ANO4: variants seen among roughly 807,000 people sequenced by gnomAD.
The protein encoded by ANO4 is anoctamin 4.
A neutral mutation model predicts 141.9 loss-of-function variants in ANO4; 69 were observed. The observed-to-expected ratio is 0.49, with a 90% CI of 0.40 to 0.59. The LOEUF is 0.59. Ranked by LOEUF, ANO4 falls within the 20% of genes least tolerant of loss-of-function variation. The pLI, the probability that ANO4 is intolerant of heterozygous loss-of-function variation, is 0.00. For missense variants in ANO4, 894 were observed against 1,162.2 expected, an observed-to-expected ratio of 0.77 and a Z score of 3.36; for synonymous variants, 350 against 394.3, an observed-to-expected ratio of 0.89 and a Z score of 1.33.
At chr12:101,086,579 C>A in intron 16 of ANO4, 81 bp from the exon 17 acceptor site, 1 of 1,519,010 alleles carries the variant, frequency 6.6e-7, no homozygotes, top group Non-Finnish European at 9.1e-7. Context: ...CTTTTCCCAT[C>A]AGAGGATGTT....
At chr12:100,720,312 G>GT (rs2030806287) in intron 1 of ANO4, among the ~76,000 whole-genome samples, 2 of 152,024 alleles carry the variant, frequency 1.3e-5, no homozygotes, top group Admixed American at 6.6e-5. Context: ...TTCATATAGG[G>GT]AAGCCCTCTC....
At chr12:100,995,786 G>A (rs17406536) in intron 8 of ANO4, among the ~76,000 whole-genome samples, 30,518 of 152,086 alleles carry the variant, frequency 0.2, 3,317 homozygotes, top group Non-Finnish European at 0.24. Context: ...CTACTAGACC[G>A]TGAGCTACCT....
chr12:101,086,061 T>A (rs949960424), intron 16 of ANO4, among the ~76,000 whole-genome samples: 2 of 149,212 alleles, frequency 1.3e-5, no homozygotes, highest in Non-Finnish European at 3.0e-5. Flanking sequence ...TGAGGAAGGA[T>A]GAGTAGGTGT....
intron 3 of ANO4, among the ~76,000 whole-genome samples, chr12:100,747,200 G>A (rs953098186): frequency 6.6e-6 from 1 of 152,170 alleles, no homozygotes; most frequent in Non-Finnish European, 1.5e-5. Flanking sequence ...TCTGCTTAGT[G>A]GCAGAAGTCT....
At chr12:100,883,599 C>T (rs1200244849) in intron 1 of ANO4, among the ~76,000 whole-genome samples, 1 of 152,088 alleles carries the variant, frequency 6.6e-6, no homozygotes, top group East Asian at 1.9e-4. Flanking sequence ...TTTTTTCCTT[C>T]CCTCCTCATT....
intron 3 of ANO4, among the ~76,000 whole-genome samples, chr12:100,780,443 A>G (rs1209835898): frequency 6.6e-6 from 1 of 152,158 alleles, no homozygotes; most frequent in East Asian, 1.9e-4. Context: ...ACTTTTAATC[A>G]TATGCTAATT....
chr12:100,749,070 A>G (rs1222673814), intron 3 of ANO4, among the ~76,000 whole-genome samples: 2 of 152,122 alleles, frequency 1.3e-5, no homozygotes, highest in East Asian at 3.9e-4. Flanking sequence ...AGGGAAGGCA[A>G]ATTTGAGTTG....
chr12:100,826,635 G>A (rs1297402554), intron 1 of ANO4, among the ~76,000 whole-genome samples: 1 of 151,956 alleles, frequency 6.6e-6, no homozygotes, highest in Non-Finnish European at 1.5e-5. Context: ...ATCTTACACT[G>A]TGCTTGAATT....
intron 1 of ANO4, among the ~76,000 whole-genome samples, chr12:100,864,824 C>T (rs2038670423): frequency 6.6e-6 from 1 of 152,134 alleles, no homozygotes; most frequent in African/African-American, 2.4e-5. Flanking sequence ...TCTCCTAATG[C>T]TATCCCTCCC....
At chr12:100,989,574 G>A (rs559325022) in intron 8 of ANO4, among the ~76,000 whole-genome samples, 16 of 150,042 alleles carry the variant, frequency 1.1e-4, no homozygotes, top group African/African-American at 3.7e-4. Flanking sequence ...TGGATGGATG[G>A]ATGGATGGAT....
chr12:100,763,241 CA>C (rs1369098112), intron 3 of ANO4, among the ~76,000 whole-genome samples: 2 of 152,264 alleles, frequency 1.3e-5, no homozygotes, highest in African/African-American at 4.8e-5. Context: ...CATATGGCCA[CA>C]AGGGTCTGTA....
chr12:100,996,110 C>T (rs1046806798), intron 8 of ANO4, among the ~76,000 whole-genome samples: 2 of 152,152 alleles, frequency 1.3e-5, no homozygotes, highest in Non-Finnish European at 2.9e-5. Context: ...AAACATTTTA[C>T]GGCCATTAAA....
chr12:101,091,799 T>G (rs2049788410), intron 17 of ANO4, among the ~76,000 whole-genome samples: 1 of 152,058 alleles, frequency 6.6e-6, no homozygotes, highest in Non-Finnish European at 1.5e-5. Context: ...CATTTCTGAC[T>G]TTTTGCTAGA....
chr12:100,930,502 A>G (rs2042048249), intron 3 of ANO4, among the ~76,000 whole-genome samples: 1 of 151,974 alleles, frequency 6.6e-6, no homozygotes, highest in Non-Finnish European at 1.5e-5. Flanking sequence ...AGATGTATGG[A>G]TTTGTTTTTG....
chr12:100,961,348 G>A (rs978940803), intron 5 of ANO4, among the ~76,000 whole-genome samples: 1 of 152,180 alleles, frequency 6.6e-6, no homozygotes, highest in Non-Finnish European at 1.5e-5. Flanking sequence ...CACTGCCGGT[G>A]GTCTTGTGGA....
chr12:101,012,148 T>C (rs2046123656), intron 8 of ANO4, among the ~76,000 whole-genome samples: 1 of 152,120 alleles, frequency 6.6e-6, no homozygotes, highest in Non-Finnish European at 1.5e-5. Context: ...CACCCAGTGG[T>C]TCTCTATGGG....
chr12:100,952,060 G>A (rs139659594), intron 5 of ANO4, among the ~76,000 whole-genome samples: 35 of 152,252 alleles, frequency 2.3e-4, no homozygotes, highest in African/African-American at 7.7e-4. Flanking sequence ...ATATTATATG[G>A]TTTGTTGTAG....
At chr12:100,827,130 A>C (rs770786369) in intron 1 of ANO4, among the ~76,000 whole-genome samples, 1 of 152,058 alleles carries the variant, frequency 6.6e-6, no homozygotes, top group Non-Finnish European at 1.5e-5. Context: ...TTTCTGCTTT[A>C]GTCAGATAGT....
intron 1 of ANO4, among the ~76,000 whole-genome samples, chr12:100,718,767 T>C (rs564492493): frequency 1.3e-5 from 2 of 152,342 alleles, no homozygotes; most frequent in South Asian, 4.1e-4. Flanking sequence ...GGATTTAAGT[T>C]GTTCTTACCT....
Sources: allele counts gnomAD v4.1 joint callset (sites outside exome capture counted in the v4.1 genomes callset), GRCh38; gene constraint gnomAD v4.1.1; transcripts MANE v1.5; gene names NCBI Gene and HGNC (gene_info 2026-07-23, HGNC 2026-07-21).